Variants in SVOP observed in about 807,000 individuals in gnomAD.
SVOP encodes SV2 related protein.
In SVOP, 17 loss-of-function variants were observed where a neutral mutation model predicts 69.1. That is an observed-to-expected ratio of 0.25 (90% CI 0.17 to 0.37). SVOP has a LOEUF of 0.37. SVOP is among the 10% of genes least tolerant of loss of function. The probability of loss-of-function intolerance (pLI) is 1.00; values close to 1 mark genes in which losing one functional copy is unlikely to be tolerated. For synonymous variants in SVOP, 238 were observed against 238.6 expected (o/e 1.00, Z 0.02); for missense variants, 435 against 597.5 (o/e 0.73, Z 2.84).
chr12:108,939,201 G>A (rs1030189712), intron 8 of SVOP, among the ~76,000 whole-genome samples: 3 of 152,204 alleles, frequency 2.0e-5, no homozygotes, highest in Admixed American at 6.5e-5. Context: ...CTACCTCTTA[G>A]GGCTCTTAAG....
chr12:108,982,678 C>T (rs2040144162), intron 2 of SVOP, among the ~76,000 whole-genome samples: 1 of 120,848 alleles, frequency 8.3e-6, no homozygotes, highest in South Asian at 2.5e-4. Flanking sequence ...TCATTATCAT[C>T]ACCATCATCA....
At chr12:108,915,895 AGGCATGG>A (rs1258660041) in intron 14 of SVOP, 23 bp from the exon 15 acceptor site, 1 of 1,567,718 alleles carries the variant, frequency 6.4e-7, no homozygotes, top group Admixed American at 1.8e-5. Flanking sequence ...AGCCGGATAT[AGGCATGG>A]GGACATGCAG....
At position 108,923,819 on chromosome 12, in the gene SVOP, G is replaced by T. The variant is rs143440139; in HGVS notation, c.1049-1022C>A. ...GGAACCCAATGGCCAAAGAGGTGAT[G>T]GAAACAAGATCTCATCCCTGTTCCA... On this transcript the variant is annotated intron_variant, in intron 11 of 15. Transcript: ENST00000610966. Among the ~76,000 whole-genome samples, 16 of 152,146 alleles carry T rather than the reference G, an allele frequency of 1.1e-4. No individual in the cohort carries two copies. The East Asian group carries it at 2.7e-3, about 26-fold the overall frequency.
chr12:108,966,793 G>A (rs1040032851), intron 5 of SVOP, among the ~76,000 whole-genome samples: 3 of 152,132 alleles, frequency 2.0e-5, no homozygotes, highest in Admixed American at 6.5e-5. Context: ...ATGAATGAAT[G>A]TTCAACTAAT....
chr12:108,918,279 A>G (rs1396233147), intron 13 of SVOP, among the ~76,000 whole-genome samples, 155 bp from the exon 14 acceptor site: 3 of 152,190 alleles, frequency 2.0e-5, no homozygotes, highest in Admixed American at 2.0e-4. Flanking sequence ...CACATATTTC[A>G]GTATCATCTT....
Position 108,912,265 on chromosome 12 carries a change from A to G in SVOP, c.*270T>C. The stretch of plus-strand genomic sequence containing the variant: ...GTTGCTGGCATTACCAGACCCTCCT[A>G]ATATGGGTAGTCTTCCCATGTAGAT... On this transcript the variant is annotated 3_prime_UTR_variant, in exon 16 of 16. Transcript: ENST00000610966. The G allele has an allele frequency of 7.4e-7, 1 of 1,345,040 alleles. No homozygotes were observed. Among genetic ancestry groups the G allele is most frequent in the Middle Eastern group, 2.8e-4 (1 of 3,524 alleles). The allele number at this position is 1,345,040 out of a possible 1,614,324, so 83.3% of individuals were successfully genotyped here. A position where few individuals can be genotyped will look rare whatever the true frequency, so the allele number is the denominator to read the frequency against.
chr12:109,019,378 A>G (rs1275390452), intron 1 of SVOP, among the ~76,000 whole-genome samples: 1 of 152,210 alleles, frequency 6.6e-6, no homozygotes, highest in Non-Finnish European at 1.5e-5. Context: ...CAAAGTTCAT[A>G]TACACATGAA....
chr12:108,990,131 G>C (rs1455300517), intron 1 of SVOP, among the ~76,000 whole-genome samples: 1 of 152,134 alleles, frequency 6.6e-6, no homozygotes, highest in Non-Finnish European at 1.5e-5. Flanking sequence ...CCTCTCCCAA[G>C]CATTCACATA....
At chr12:108,919,516 C>A (rs144704364) in intron 13 of SVOP, among the ~76,000 whole-genome samples, 159 bp downstream of exon 13, 1 of 152,050 alleles carries the variant, frequency 6.6e-6, no homozygotes, top group Non-Finnish European at 1.5e-5. Flanking sequence ...CACACCTGTA[C>A]CTGTACCCAT....
At chr12:108,997,599 C>A (rs1026718310) in intron 1 of SVOP, among the ~76,000 whole-genome samples, 1 of 151,950 alleles carries the variant, frequency 6.6e-6, no homozygotes, top group Non-Finnish European at 1.5e-5. Context: ...TCTCCCAGCA[C>A]GCAGCTGGAG....
intron 1 of SVOP, among the ~76,000 whole-genome samples, chr12:108,994,091 G>A (rs768801626): frequency 4.6e-5 from 7 of 152,168 alleles, no homozygotes; most frequent in African/African-American, 7.2e-5. Context: ...AAGGTAATTT[G>A]TGATAGCTTT....
At chr12:108,985,913 T>C (rs1031536707) in intron 1 of SVOP, among the ~76,000 whole-genome samples, 1 of 152,200 alleles carries the variant, frequency 6.6e-6, no homozygotes, top group Admixed American at 6.5e-5. Flanking sequence ...ACAGGGAACA[T>C]AACCTGCTTG....
chr12:108,966,716 A>T (rs1331882841), intron 5 of SVOP, among the ~76,000 whole-genome samples: 1 of 152,146 alleles, frequency 6.6e-6, no homozygotes, highest in African/African-American at 2.4e-5. Flanking sequence ...TATGGAATTT[A>T]TCAAGCTGTT....
intron 10 of SVOP, chr12:108,936,881 C>T: frequency 5.0e-6 from 1 of 201,228 alleles, no homozygotes. Flanking sequence ...CTGTGACTTG[C>T]AATTAAGGTG....
At chr12:108,924,242 C>T (rs1036697673) in intron 11 of SVOP, among the ~76,000 whole-genome samples, 21 of 152,178 alleles carry the variant, frequency 1.4e-4, no homozygotes, top group Admixed American at 1.1e-3. Flanking sequence ...CCCAGCCCCC[C>T]AGGACCGACA....
chr12:108,962,993 C>T (rs2040025539), intron 5 of SVOP, among the ~76,000 whole-genome samples: 1 of 151,916 alleles, frequency 6.6e-6, no homozygotes, highest in South Asian at 2.1e-4. Context: ...ACAAAAAAGA[C>T]AAACATGGCA....
At chr12:108,990,145 CAGGAATGAATGCA>C (rs1366512308) in intron 1 of SVOP, among the ~76,000 whole-genome samples, 1 of 152,140 alleles carries the variant, frequency 6.6e-6, no homozygotes, top group Admixed American at 6.5e-5. Flanking sequence ...TCACATATCT[CAGGAATGAATGCA>C]AGGTCTAAAC....
chr12:108,961,641 A>G (rs926297599), intron 5 of SVOP, among the ~76,000 whole-genome samples: 3 of 152,210 alleles, frequency 2.0e-5, no homozygotes, highest in African/African-American at 7.2e-5. Context: ...GGGTTTATCT[A>G]TGAATACACT....
At chr12:108,918,180 A>G (rs1031167046) in intron 13 of SVOP, 56 bp from the exon 14 acceptor site, 21 of 1,434,866 alleles carry the variant, frequency 1.5e-5, no homozygotes, top group Non-Finnish European at 1.8e-5. Flanking sequence ...TTGTTTCAGC[A>G]TAGTCCTATC....
Sources: allele counts gnomAD v4.1 joint callset (sites outside exome capture counted in the v4.1 genomes callset), GRCh38; gene constraint gnomAD v4.1.1; transcripts MANE v1.5; gene names NCBI Gene and HGNC (gene_info 2026-07-23, HGNC 2026-07-21).